SEMA5A: variants seen among roughly 807,000 people sequenced by gnomAD.
SEMA5A encodes the protein semaphorin 5A, also known as semaphorin-5A.
A neutral mutation model predicts 135.5 loss-of-function variants in SEMA5A; 55 were observed. The ratio of observed to expected loss-of-function variants is 0.41; its 90% CI spans 0.33 to 0.51. The LOEUF is 0.51. Ranked by LOEUF, SEMA5A falls within the 20% of genes least tolerant of loss-of-function variation. SEMA5A has a pLI of 0.37. For synonymous variants in SEMA5A, 580 were observed against 546.5 expected (o/e 1.06, Z -0.85); for missense variants, 1,290 against 1,419.9 (o/e 0.91, Z 1.47).
At chr5:9,300,112 G>A (rs1017474547) in intron 5 of SEMA5A, among the ~76,000 whole-genome samples, 10 of 152,024 alleles carry the variant, frequency 6.6e-5, no homozygotes, top group African/African-American at 4.8e-5. Flanking sequence ...CTGCAGCATC[G>A]AGCTCCCCAG....
intron 3 of SEMA5A, among the ~76,000 whole-genome samples, chr5:9,349,761 G>T (rs1369341016): frequency 6.6e-6 from 1 of 151,996 alleles, no homozygotes; most frequent in East Asian, 1.9e-4. Flanking sequence ...AATTAGTCAG[G>T]CATGGTGGCA....
intron 1 of SEMA5A, among the ~76,000 whole-genome samples, chr5:9,506,582 C>T (rs1050421367): frequency 2.6e-5 from 4 of 152,124 alleles, no homozygotes; most frequent in African/African-American, 9.7e-5. Flanking sequence ...CTCTTGTATG[C>T]TCAAAATAAG....
chr5:9,390,345 A>C (rs1482854115), intron 2 of SEMA5A, among the ~76,000 whole-genome samples: 2 of 152,244 alleles, frequency 1.3e-5, no homozygotes, highest in East Asian at 3.8e-4. Context: ...GGGTCAGATA[A>C]GTTATTCCAG....
At chr5:9,078,968 T>A (rs1057309457) in intron 16 of SEMA5A, among the ~76,000 whole-genome samples, 2 of 152,056 alleles carry the variant, frequency 1.3e-5, no homozygotes, top group African/African-American at 4.8e-5. Context: ...CTAACATTTT[T>A]AAGTTTTGAG....
At chr5:9,399,810 G>A (rs1756569203) in intron 2 of SEMA5A, among the ~76,000 whole-genome samples, 1 of 152,078 alleles carries the variant, frequency 6.6e-6, no homozygotes, top group Non-Finnish European at 1.5e-5. Context: ...GGTGTTTGGT[G>A]ATAGCGGTGA....
At chr5:9,442,995 C>T (rs182744903) in intron 1 of SEMA5A, among the ~76,000 whole-genome samples, 1 of 152,262 alleles carries the variant, frequency 6.6e-6, no homozygotes, top group African/African-American at 2.4e-5. Context: ...TTGACAGGAA[C>T]TATGTGGAGG....
At chr5:9,523,710 A>G (rs1579683093) in intron 1 of SEMA5A, among the ~76,000 whole-genome samples, 1 of 152,318 alleles carries the variant, frequency 6.6e-6, no homozygotes, top group African/African-American at 2.4e-5. Flanking sequence ...AAAGCATGCA[A>G]AAACTGAATT....
At chr5:9,073,675 T>A (rs1394952693) in intron 16 of SEMA5A, among the ~76,000 whole-genome samples, 4 of 152,108 alleles carry the variant, frequency 2.6e-5, no homozygotes, top group Admixed American at 2.6e-4. Flanking sequence ...ATTTTTACTC[T>A]CATACAATAT....
chr5:9,368,831 G>C (rs2126422327), intron 3 of SEMA5A, among the ~76,000 whole-genome samples: 1 of 152,208 alleles, frequency 6.6e-6, no homozygotes, highest in Non-Finnish European at 1.5e-5. Context: ...GAGTTTTTAA[G>C]AATAAAGCTT....
intron 11 of SEMA5A, among the ~76,000 whole-genome samples, chr5:9,162,548 ATATG>A (rs1743334667): frequency 1.9e-5 from 1 of 51,692 alleles, no homozygotes; most frequent in South Asian, 5.5e-4. Context: ...ATGTGTGTAT[ATATG>A]TGTGTGTGTG....
chr5:9,139,751 CTT>C (rs1741961903), intron 12 of SEMA5A, among the ~76,000 whole-genome samples: 1 of 152,138 alleles, frequency 6.6e-6, no homozygotes, highest in East Asian at 1.9e-4. Flanking sequence ...CTTATGAACA[CTT>C]TTCTTTATAG....
In SEMA5A at chr5:9,538,854, C is replaced by T. The variant is rs566225225; in HGVS notation, c.-175+6730G>A. Among the ~76,000 whole-genome samples the T allele has an allele frequency of 7.7e-4, 117 of 152,354 alleles. 1 individual carries two copies. Among genetic ancestry groups the T allele is most frequent in the African/African-American group, 2.7e-3 (112 of 41,580 alleles). Reference sequence around the variant, plus strand: ...GTACAAGTAATGTAAACACAGAAAACATTTCCCAGTAGACGCAGCAGGACT... The same window carrying T: ...GTACAAGTAATGTAAACACAGAAAATATTTCCCAGTAGACGCAGCAGGACT... On this transcript the variant is annotated intron_variant, in intron 1 of 22. Transcript: ENST00000382496.
intron 4 of SEMA5A, among the ~76,000 whole-genome samples, chr5:9,325,665 A>G (rs1289191421): frequency 6.6e-6 from 1 of 152,076 alleles, no homozygotes; most frequent in African/African-American, 2.4e-5. Flanking sequence ...GAAAAGGTTG[A>G]GCCATCATGA....
chr5:9,237,966 C>T (rs1247018552), intron 5 of SEMA5A, 76 bp from the exon 6 acceptor site: 2 of 1,326,736 alleles, frequency 1.5e-6, no homozygotes, highest in Non-Finnish European at 1.1e-6. Flanking sequence ...GGTAACAAGG[C>T]ACTGGTAACC....
intron 12 of SEMA5A, among the ~76,000 whole-genome samples, chr5:9,139,262 C>T (rs1291997221): frequency 5.3e-5 from 8 of 152,156 alleles, no homozygotes; most frequent in Non-Finnish European, 1.2e-4. Context: ...CCTTTAAAAG[C>T]AAGGCTGCAG....
chr5:9,228,423 A>G (rs1231712610), intron 6 of SEMA5A, among the ~76,000 whole-genome samples: 1 of 152,228 alleles, frequency 6.6e-6, no homozygotes, highest in Non-Finnish European at 1.5e-5. Context: ...TGGCGCTCTC[A>G]TTGTGTACAG....
At chr5:9,298,027 T>G (rs1324368640) in intron 5 of SEMA5A, among the ~76,000 whole-genome samples, 1 of 152,144 alleles carries the variant, frequency 6.6e-6, no homozygotes, top group Non-Finnish European at 1.5e-5. Context: ...TCATCAAAAA[T>G]TATACTAATG....
intron 2 of SEMA5A, among the ~76,000 whole-genome samples, chr5:9,410,586 T>C (rs1325730022): frequency 6.6e-6 from 1 of 152,178 alleles, no homozygotes; most frequent in Non-Finnish European, 1.5e-5. Context: ...GGAAGCCATC[T>C]TCCTCAGCAA....
intron 16 of SEMA5A, among the ~76,000 whole-genome samples, chr5:9,107,020 C>T (rs1378592568): frequency 6.6e-6 from 1 of 152,192 alleles, no homozygotes; most frequent in Non-Finnish European, 1.5e-5. Context: ...GATATCTCGG[C>T]TGTGTGGTTT....
Sources: gnomAD v4.1 joint callset for allele counts (sites outside exome capture counted in the v4.1 genomes callset) on GRCh38, gnomAD v4.1.1 for gene constraint, MANE v1.5 for transcripts, NCBI Gene and HGNC (gene_info 2026-07-23, HGNC 2026-07-21) for gene names.